Variants in FBXL13 observed in about 807,000 individuals in gnomAD.
FBXL13 encodes the protein F-box and leucine-rich repeat protein 13.
In FBXL13, 67 loss-of-function variants were observed where a neutral mutation model predicts 83.6. The observed-to-expected ratio is 0.80, with a 90% confidence interval of 0.66 to 0.98. The LOEUF (loss-of-function observed/expected upper bound fraction) is 0.98. Among genes scored for constraint, FBXL13 ranks in the 50% least tolerant of loss-of-function variants. The pLI is 0.00. For synonymous variants in FBXL13, 272 were observed against 299.5 expected (o/e 0.91, Z 0.95); for missense variants, 822 against 866.5 (o/e 0.95, Z 0.64).
chr7:102,883,489 A>G, intron 13 of FBXL13, 22 bp from the exon 15 acceptor site: 1 of 1,601,538 alleles, frequency 6.2e-7, no homozygotes, highest in Non-Finnish European at 8.5e-7. Flanking sequence ...AAACAGAAGA[A>G]AAGACAAGTA....
intron 11 of FBXL13, 33 bp downstream of exon 12, chr7:102,913,053 A>T (rs752002315): frequency 6.2e-7 from 1 of 1,613,868 alleles, no homozygotes; most frequent in Non-Finnish European, 8.5e-7. Flanking sequence ...ACTTCCTCAC[A>T]CACCGCAGCA....
chr7:102,852,590 C>T (rs906098482), intron 17 of FBXL13, among the ~76,000 whole-genome samples: 4 of 152,016 alleles, frequency 2.6e-5, no homozygotes, highest in Admixed American at 1.3e-4. Context: ...AAAAAAAATG[C>T]TCAACATCAC....
rs576097900 is a variant in FBXL13, at chr7:102,975,236, C to T, written c.496-7119G>A. Among the ~76,000 whole-genome samples the T allele has an allele frequency of 2.0e-5, 3 of 152,348 alleles. No homozygotes were observed. In the South Asian group the frequency reaches 6.2e-4, roughly 32 times the overall value. On this transcript the variant is annotated intron_variant, in intron 6 of 19. Transcript: ENST00000313221. ...GTTCCCCTCTCCCTCAGTGATCTCT[C>T]TCAAATTAACAAAAGACTCAGTTCA...
rs114037274 is a variant in FBXL13, at chr7:102,965,058, C to T, written c.592-1393G>A. ...CAGTATCTAGAGGACTTACTGGACC[C>T]GAACCCTTCATGAACATTACTCGTT... is the stretch of plus-strand genomic sequence containing the variant. On this transcript the variant is annotated intron_variant, in intron 7 of 19. Transcript: ENST00000313221. 1.5e-3 allele frequency among the ~76,000 whole-genome samples: 222 copies of T among 152,190 alleles called. 1 individual carries two copies. The highest frequency in any genetic ancestry group is 7.1e-3 in the South Asian group (34 of 4,820).
At chr7:102,849,203 C>T (rs1804732900) in intron 17 of FBXL13, among the ~76,000 whole-genome samples, 1 of 152,194 alleles carries the variant, frequency 6.6e-6, no homozygotes, top group African/African-American at 2.4e-5. Context: ...GTTACAGCTG[C>T]ATCAAACATC....
In FBXL13 at chr7:102,822,083, G is replaced by A. The variant is rs1351334936; in HGVS notation, c.1975C>T (p.Gln659Ter). 3 of 1,614,204 alleles carry A rather than the reference G, an allele frequency of 1.9e-6. No homozygotes were observed. In the African/African-American group the frequency reaches 4.0e-5, roughly 22 times the overall value. The change falls in exon 19 of 20, where the codon CAA becomes TAA. Residue 659 changes from glutamine (Q) to a stop codon, truncating the protein, a stop_gained. Transcript: ENST00000313221. LOFTEE classifies it low-confidence loss of function (END_TRUNC). The stretch of plus-strand genomic sequence containing the variant: ...TATTGCATCTTAAGGATCCGGAGTT[G>A]TTTGCAGCCTATCTGAAGGTCCTCA...
exon 1 of FBXL13, chr7:103,074,496 GTT>G: frequency 8.6e-7 from 1 of 1,167,652 alleles, no homozygotes; most frequent in Non-Finnish European, 1.1e-6. Flanking sequence ...ATCACCCTCT[GTT>G]TTCTCTCTAA....
chr7:102,898,591 A>G (rs1247895686), intron 11 of FBXL13, among the ~76,000 whole-genome samples: 1 of 151,674 alleles, frequency 6.6e-6, no homozygotes, highest in Non-Finnish European at 1.5e-5. Flanking sequence ...GTGCCTGGCC[A>G]CTTTTCTGTA....
At chr7:102,924,136 G>C (rs1817608015) in intron 10 of FBXL13, among the ~76,000 whole-genome samples, 1 of 151,780 alleles carries the variant, frequency 6.6e-6, no homozygotes. Flanking sequence ...TACTTGGGAG[G>C]CTGAGGCAGG....
At chr7:102,925,770 C>A (rs991085520) in intron 10 of FBXL13, among the ~76,000 whole-genome samples, 1 of 151,916 alleles carries the variant, frequency 6.6e-6, no homozygotes, top group African/African-American at 2.4e-5. Flanking sequence ...GGAGAAACCC[C>A]ATCTCTACTA....
In FBXL13 at chr7:103,028,602, TTAAG is replaced by T; in HGVS notation, c.211_214del (p.Leu71LysfsTer16). 1 of 1,565,240 alleles carries T rather than the reference TTAAG, an allele frequency of 6.4e-7. No homozygotes were observed. The highest frequency in any genetic ancestry group is 8.6e-7 in the Non-Finnish European group (1 of 1,161,094). On this transcript the variant is annotated frameshift_variant, in exon 4 of 20. Coordinates refer to ENST00000313221, the Ensembl canonical transcript of FBXL13. LOFTEE classifies it high-confidence loss of function. Reference sequence around the variant, plus strand: ...ATTGCTACTATGTAAGAATTTACTTTTAAGTTTTTCTTTCTGGTCTTCCATATAA... The same window carrying T: ...ATTGCTACTATGTAAGAATTTACTTTTTTTTCTTTCTGGTCTTCCATATAA...
chr7:102,913,723 G>C lies in FBXL13; in HGVS notation c.879-508C>G, dbSNP rs76210988. On this transcript the variant is annotated intron_variant, in intron 10 of 19. Transcript: ENST00000313221. ...TGAATATGACCATGCTCTTAAAATAGATCTGATAAGCAAATGAGTTTAAAA... is the reference window on the plus strand; with the variant it reads ...TGAATATGACCATGCTCTTAAAATACATCTGATAAGCAAATGAGTTTAAAA... Among the ~76,000 whole-genome samples the C allele has an allele frequency of 3.7e-3, 568 of 152,318 alleles. 5 individuals are homozygous for C. Among genetic ancestry groups the C allele is most frequent in the African/African-American group, 0.013 (561 of 41,568 alleles).
At chr7:102,912,460 GC>G (rs1463473638) in intron 11 of FBXL13, among the ~76,000 whole-genome samples, 4 of 152,018 alleles carry the variant, frequency 2.6e-5, no homozygotes, top group Non-Finnish European at 5.9e-5. Context: ...TATCAATGAG[GC>G]AGTAGCTACA....
chr7:102,867,695 ATTTTTTT>A (rs1205859622), intron 16 of FBXL13, among the ~76,000 whole-genome samples: 614 of 48,816 alleles, frequency 0.013, 2 homozygotes, highest in East Asian at 0.081. Flanking sequence ...ATATATATAT[ATTTTTTT>A]TTTTTTTTTT....
intron 17 of FBXL13, among the ~76,000 whole-genome samples, chr7:102,836,983 T>C (rs1802101400): frequency 6.6e-6 from 1 of 152,222 alleles, no homozygotes; most frequent in South Asian, 2.1e-4. Flanking sequence ...TTCTGGAAAA[T>C]ATGTGCTGTC....
At chr7:103,002,019 C>T (rs1427285513) in intron 6 of FBXL13, among the ~76,000 whole-genome samples, 1 of 152,156 alleles carries the variant, frequency 6.6e-6, no homozygotes, top group African/African-American at 2.4e-5. Context: ...TAGGTAAGGA[C>T]TGACTACTGC....
chr7:102,920,266 C>CAA (rs1816725175), intron 10 of FBXL13, among the ~76,000 whole-genome samples: 1 of 152,134 alleles, frequency 6.6e-6, no homozygotes, highest in Admixed American at 6.5e-5. Flanking sequence ...TCAGATTATA[C>CAA]AAGTAAACAT....
At chr7:103,034,294 G>A (rs1040838609) in intron 2 of FBXL13, among the ~76,000 whole-genome samples, 7 of 152,180 alleles carry the variant, frequency 4.6e-5, no homozygotes, top group Non-Finnish European at 7.4e-5. Flanking sequence ...GGAGCGGGGG[G>A]CGGCGCTTGT....
chr7:103,013,745 C>T, intron 6 of FBXL13, among the ~76,000 whole-genome samples: 1 of 151,670 alleles, frequency 6.6e-6, no homozygotes, highest in East Asian at 1.9e-4. Context: ...AAGAACAAAC[C>T]AACCCCAAGA....
Sources: gnomAD v4.1 joint callset for allele counts (sites outside exome capture counted in the v4.1 genomes callset) on GRCh38, gnomAD v4.1.1 for gene constraint, MANE v1.5 for transcripts, NCBI Gene and HGNC (gene_info 2026-07-23, HGNC 2026-07-21) for gene names.